The following BLTP3A variants were observed in gnomAD, a reference collection of about 807,000 sequenced individuals.
The protein encoded by BLTP3A is bridge-like lipid transfer protein family member 3A.
the BLTP3A span, among the ~76,000 whole-genome samples, chr6:34,819,631 A>T: frequency 1.2e-4 from 19 of 152,190 alleles, no homozygotes; most frequent in African/African-American, 4.6e-4. Context: ...TATGACCTAA[A>T]CATGCATTAC....
the BLTP3A span, among the ~76,000 whole-genome samples, chr6:34,845,983 C>A: frequency 6.6e-6 from 1 of 151,826 alleles, no homozygotes; most frequent in Non-Finnish European, 1.5e-5. Context: ...TGCATTGAAT[C>A]TGTAGGTTGC....
chr6:34,830,126 T>A, the BLTP3A span, among the ~76,000 whole-genome samples: 9 of 152,124 alleles, frequency 5.9e-5, no homozygotes, highest in Non-Finnish European at 1.0e-4. Flanking sequence ...CCTGGCTAAT[T>A]TTTGTATTTT....
the BLTP3A span, among the ~76,000 whole-genome samples, chr6:34,855,039 T>C: frequency 2.0e-5 from 3 of 152,248 alleles, no homozygotes; most frequent in Non-Finnish European, 4.4e-5. Context: ...TTTGGCTTAT[T>C]GCTAAAAATT....
the BLTP3A span, chr6:34,834,930 T>G: frequency 1.3e-6 from 2 of 1,557,064 alleles, no homozygotes; most frequent in Non-Finnish European, 1.7e-6. Flanking sequence ...GATTTGGTAT[T>G]CCCTTATTGT....
chr6:34,859,621 C>A, the BLTP3A span: 1 of 1,596,896 alleles, frequency 6.3e-7, no homozygotes, highest in South Asian at 1.1e-5. Context: ...TCTCCTAGTT[C>A]TGATCATTGG....
At chr6:34,801,532 G>T in the BLTP3A span, among the ~76,000 whole-genome samples, 12 of 152,152 alleles carry the variant, frequency 7.9e-5, no homozygotes, top group South Asian at 4.2e-4. Flanking sequence ...TTGGTGAATG[G>T]GGGGCCGTGT....
the BLTP3A span, chr6:34,857,212 CTG>C: frequency 7.9e-7 from 1 of 1,262,238 alleles, no homozygotes; most frequent in East Asian, 2.4e-5. Flanking sequence ...GTGAAAGACA[CTG>C]TGTTCCCTGT....
chr6:34,793,032 C>T, the BLTP3A span, among the ~76,000 whole-genome samples: 1 of 152,184 alleles, frequency 6.6e-6, no homozygotes, highest in Non-Finnish European at 1.5e-5. Context: ...ATAAAGTTTC[C>T]GCAACCTTCC....
the BLTP3A span, among the ~76,000 whole-genome samples, chr6:34,811,687 C>A: frequency 4.1e-4 from 23 of 55,780 alleles, no homozygotes; most frequent in African/African-American, 2.4e-3. Context: ...CCCCCCCCCG[C>A]ATCTCTACTA....
At chr6:34,833,126 T>C in the BLTP3A span, among the ~76,000 whole-genome samples, 5 of 152,190 alleles carry the variant, frequency 3.3e-5, no homozygotes, top group African/African-American at 1.2e-4. Flanking sequence ...GCTACATGGG[T>C]CCATGCATAT....
the BLTP3A span, among the ~76,000 whole-genome samples, chr6:34,812,315 C>T: frequency 3.0e-4 from 40 of 135,442 alleles, 1 homozygote; most frequent in Admixed American, 2.4e-3. Flanking sequence ...GGCAACAGAG[C>T]GAAACTCCGT....
chr6:34,843,773 C>G, the BLTP3A span, among the ~76,000 whole-genome samples: 1 of 152,144 alleles, frequency 6.6e-6, no homozygotes, highest in Non-Finnish European at 1.5e-5. Flanking sequence ...AGTGGGATTG[C>G]CTGATCATAT....
chr6:34,798,481 A>G, the BLTP3A span, among the ~76,000 whole-genome samples: 12 of 152,202 alleles, frequency 7.9e-5, no homozygotes, highest in Middle Eastern at 3.4e-3. Context: ...CAAAGTGGCT[A>G]TACCAATTTA....
the BLTP3A span, among the ~76,000 whole-genome samples, chr6:34,856,027 A>G: frequency 6.6e-6 from 1 of 152,194 alleles, no homozygotes; most frequent in African/African-American, 2.4e-5. Flanking sequence ...GCAGCAGTCA[A>G]CAGCTTGCCT....
At chr6:34,842,710 T>C in the BLTP3A span, among the ~76,000 whole-genome samples, 1 of 152,134 alleles carries the variant, frequency 6.6e-6, no homozygotes, top group Non-Finnish European at 1.5e-5. Flanking sequence ...CCTTAGTACT[T>C]AGTTTATCTC....
chr6:34,819,746 G>A, the BLTP3A span, among the ~76,000 whole-genome samples: 64 of 152,330 alleles, frequency 4.2e-4, no homozygotes, highest in African/African-American at 1.5e-3. Flanking sequence ...GGCAGATAGT[G>A]GTGTGGAGGG....
At chr6:34,847,921 C>CTTTCTTTTTTTTTTTTTTTTT in the BLTP3A span, among the ~76,000 whole-genome samples, 13 of 91,146 alleles carry the variant, frequency 1.4e-4, no homozygotes, top group Admixed American at 2.4e-4. Context: ...TCTTTTTTTC[C>CTTTCTTTTTTTTTTTTTTTTT]TTTTTTTTTT....
At chr6:34,867,160 T>C in the BLTP3A span, 11 of 1,489,040 alleles carry the variant, frequency 7.4e-6, no homozygotes, top group Middle Eastern at 2.2e-4. Flanking sequence ...TGTCATTGTT[T>C]GTAGAGGTTG....
chr6:34,853,359 T>A, the BLTP3A span, among the ~76,000 whole-genome samples: 1 of 151,966 alleles, frequency 6.6e-6, no homozygotes, highest in Admixed American at 6.6e-5. Context: ...ACTCAGCTGT[T>A]TTTTTTATTT....
Sources: gnomAD v4.1 joint callset for allele counts (sites outside exome capture counted in the v4.1 genomes callset) on GRCh38, gnomAD v4.1.1 for gene constraint, MANE v1.5 for transcripts, NCBI Gene and HGNC (gene_info 2026-07-23, HGNC 2026-07-21) for gene names.